Variants in DSC3 observed in about 807,000 individuals in gnomAD.
The protein encoded by DSC3 is desmocollin 3, also known as desmocollin-3.
Under a neutral mutation model 89.5 loss-of-function variants are expected in DSC3, and 97 were observed. The ratio of observed to expected loss-of-function variants is 1.08; its 90% CI spans 0.92 to 1.28. The LOEUF (loss-of-function observed/expected upper bound fraction) is 1.28, where lower values mean the gene tolerates loss of function less well. Among genes scored for constraint, DSC3 ranks in the 50% most tolerant of loss-of-function variants. The probability of loss-of-function intolerance (pLI) is 0.00; values close to 1 mark genes in which losing one functional copy is unlikely to be tolerated. For missense variants in DSC3, 1,199 were observed against 1,085.3 expected, an observed-to-expected ratio of 1.10 and a Z score of -1.47; for synonymous variants, 436 against 384.1, an observed-to-expected ratio of 1.14 and a Z score of -1.58.
Position 31,042,676 on chromosome 18 carries a change from G to T in DSC3, c.-16C>A, listed in dbSNP as rs541512498. 1 of 1,547,326 alleles carries T rather than the reference G, an allele frequency of 6.5e-7. No homozygotes were observed. Among genetic ancestry groups the T allele is most frequent in the Non-Finnish European group, 8.7e-7 (1 of 1,145,198 alleles). On this transcript the variant is annotated 5_prime_UTR_variant, in exon 1 of 16. Transcript: ENST00000360428. ...CGGCGGCCATCGGGATGCCGGGCAG[G>T]GCCAGGAGAACGCGGGCGCCGGGAG...
intron 2 of DSC3, 29 bp downstream of exon 2, chr18:31,032,163 G>T: frequency 1.3e-6 from 2 of 1,504,954 alleles, no homozygotes; most frequent in Middle Eastern, 1.7e-4. Context: ...CTAAATTTCT[G>T]CTTTAAAAAG....
chr18:31,001,588 C>A (rs186776125), intron 14 of DSC3, 30 bp downstream of exon 14: 142 of 1,603,820 alleles, frequency 8.9e-5, no homozygotes, highest in Admixed American at 2.9e-4. Flanking sequence ...ATCGGAGATA[C>A]AAATACATAT....
chr18:31,018,847 G>C, intron 7 of DSC3, 47 bp from the exon 8 acceptor site: 1 of 1,592,060 alleles, frequency 6.3e-7, no homozygotes, highest in Non-Finnish European at 8.6e-7. Context: ...ATTTTTGGTA[G>C]ATTTATAAAT....
intron 7 of DSC3, among the ~76,000 whole-genome samples, chr18:31,019,045 C>G (rs1175053504): frequency 1.3e-5 from 2 of 152,094 alleles, no homozygotes; most frequent in African/African-American, 4.8e-5. Context: ...CAGGTAATAG[C>G]GAAAAGGTTT....
rs538288035 is a variant in DSC3 at position 31,042,593 on chromosome 18, A to G, written c.68T>C (p.Val23Ala). Residue 23 changes from valine to alanine, a missense_variant and splice_region_variant, in exon 1 of 16, where the codon GTG (valine) becomes GCG (alanine). Transcript: ENST00000360428. The stretch of plus-strand genomic sequence containing the variant: ...CCTATCCGGCGAGATCTGGCTTACC[A>G]CGAGGGTCAGCAGCAGATGCAGGCA... ...AVCLHLLLTL[V>A]IFSRAGEACK... The G allele has an allele frequency of 7.1e-6, 11 of 1,550,258 alleles. No individual in the cohort carries two copies. Among genetic ancestry groups the G allele is most frequent in the Non-Finnish European group, 9.6e-6 (11 of 1,146,790 alleles).
At chr18:31,030,903 C>A in intron 3 of DSC3, 70 bp downstream of exon 3, 1 of 1,404,176 alleles carries the variant, frequency 7.1e-7, no homozygotes, top group Non-Finnish European at 1.0e-6. Flanking sequence ...ATCCTTGTTT[C>A]TCTTTGCAAT....
intron 11 of DSC3, 103 bp downstream of exon 11, chr18:31,007,913 A>G: frequency 1.8e-6 from 2 of 1,094,308 alleles, no homozygotes; most frequent in Non-Finnish European, 2.7e-6. Context: ...AAGTAATTTC[A>G]AAGAATTCCA....
At chr18:30,997,772 A>C (rs1166940590) in intron 14 of DSC3, among the ~76,000 whole-genome samples, 3 of 152,182 alleles carry the variant, frequency 2.0e-5, no homozygotes, top group African/African-American at 4.8e-5. Flanking sequence ...TAAAATTCAA[A>C]TCCAAACAGG....
In DSC3 at chr18:31,031,061, T is replaced by A. The variant is rs977485515; in HGVS notation, c.266A>T (p.Asp89Val). 1 of 1,614,126 alleles carries A rather than the reference T, an allele frequency of 6.2e-7. No individual in the cohort carries two copies. The change falls in exon 3 of 16, where the codon GAT becomes GTT. Residue 89 changes from aspartate (D) to valine (V), a missense_variant. Transcript: ENST00000360428. ...VYTARAVALSDKKRSFTIWLS... is the reference protein window; with the variant it reads ...VYTARAVALSVKKRSFTIWLS... ...CCATATGGTAAATGATCTTTTCTTA[T>A]CAGACAGCGCAACAGCCCTGGCTGT... is the stretch of plus-strand genomic sequence containing the variant.
At chr18:31,001,060 C>G (rs189708831) in intron 14 of DSC3, among the ~76,000 whole-genome samples, 1 of 109,638 alleles carries the variant, frequency 9.1e-6, no homozygotes, top group Non-Finnish European at 1.9e-5. Context: ...TATATATATA[C>G]TTTGTGTTTA....
rs1339502684 is a variant in DSC3, at chr18:30,992,120, G to T, written c.*2055C>A. 7.4e-6 allele frequency: 1 copy of T among 135,352 alleles called. No individual in the cohort carries two copies. Among genetic ancestry groups the T allele is most frequent in the African/African-American group, 2.6e-5 (1 of 37,770 alleles). The allele number at this position is 135,352 out of a possible 1,614,324, so 8.4% of individuals were successfully genotyped here. ...GCGGAGCTTTCAGTGAGCAGAGATC[G>T]GAGCCACTGCACTCCAGCCTGTGCG... is the stretch of plus-strand genomic sequence containing the variant. On this transcript the variant is annotated 3_prime_UTR_variant, in exon 16 of 16. Transcript: ENST00000360428.
At chr18:31,014,844 G>A (rs1230063352) in intron 9 of DSC3, among the ~76,000 whole-genome samples, 2 of 152,096 alleles carry the variant, frequency 1.3e-5, no homozygotes, top group African/African-American at 4.8e-5. Context: ...GACCAGGTTT[G>A]TGTTCCGGGG....
Position 30,992,741 on chromosome 18 carries a change from T to G in DSC3, c.*1434A>C. The G allele has an allele frequency of 6.6e-6, 1 of 152,360 alleles. No individual in the cohort carries two copies. Among genetic ancestry groups the G allele is most frequent in the Middle Eastern group, 3.4e-3 (1 of 294 alleles). 9.4% of individuals were successfully genotyped at this position (152,360 alleles called of 1,614,324 possible). On this transcript the variant is annotated 3_prime_UTR_variant, in exon 16 of 16. Coordinates refer to ENST00000360428, the MANE Select transcript of DSC3 (RefSeq NM_001941.5). ...TTTATACATTCAAAATTTCTATTTC[T>G]TCTATTATTTTAAAATTTCTCTGGA...
At position 31,029,536 on chromosome 18, in the gene DSC3, C is replaced by T. The variant is rs770049929; in HGVS notation, c.447G>A (p.Leu149=). Reference sequence around the variant, plus strand: ...GTTGAAGAAACAATGGGAAAGGGCCCAAGGAATTCTCTTGCATAGAGCAAG... The same window carrying T: ...GTTGAAGAAACAATGGGAAAGGGCCTAAGGAATTCTCTTGCATAGAGCAAG... ...PIPCSMQENS[L]GPFPLFLQQV... is the part of the protein sequence containing the mutation. Residue 149 remains leucine (L), a synonymous_variant, in exon 4 of 16, where the codon TTG becomes TTA. Coordinates refer to ENST00000360428, the MANE Select transcript of DSC3 (RefSeq NM_001941.5). 1 of 1,613,732 alleles carries T rather than the reference C, an allele frequency of 6.2e-7. No individual in the cohort carries two copies. The highest frequency in any genetic ancestry group is 8.5e-7 in the Non-Finnish European group (1 of 1,179,762).
chr18:31,005,999 G>A (rs529361967), intron 12 of DSC3, among the ~76,000 whole-genome samples: 1 of 152,098 alleles, frequency 6.6e-6, no homozygotes, highest in East Asian at 1.9e-4. Context: ...AATGGAAAAG[G>A]AGGTATTCTA....
At position 31,036,798 on chromosome 18, in the gene DSC3, C is replaced by CTTTTTTTTTTTTTTTTTTT. The variant is rs775187201; in HGVS notation, c.70-4523_70-4522insAAAAAAAAAAAAAAAAAAA. On this transcript the variant is annotated intron_variant, in intron 1 of 15. Coordinates refer to ENST00000360428, the MANE Select transcript of DSC3 (RefSeq NM_001941.5). ...TATTTCCTTTTTGCTTTCTTTCTTC[C>CTTTTTTTTTTTTTTTTTTT]TTTTTTTTTTTTGAGATGGAATCTT... 1.7e-3 allele frequency among the ~76,000 whole-genome samples: 183 copies of CTTTTTTTTTTTTTTTTTTT among 107,354 alleles called. 12 individuals are homozygous for CTTTTTTTTTTTTTTTTTTT. Among genetic ancestry groups the CTTTTTTTTTTTTTTTTTTT allele is most frequent in the East Asian group, 5.5e-3 (12 of 2,166 alleles). 70.4% of individuals were successfully genotyped at this position (107,354 alleles called of 152,430 possible). A position where few individuals can be genotyped will look rare whatever the true frequency, so the allele number is the denominator to read the frequency against.
At chr18:30,996,662 G>T in intron 15 of DSC3, 129 bp downstream of exon 15, 2 of 979,104 alleles carry the variant, frequency 2.0e-6, no homozygotes, top group East Asian at 2.7e-5. Context: ...CAAAGAGCAC[G>T]GGAAAATGAA....
chr18:31,007,200 T>G, intron 11 of DSC3, 69 bp from the exon 12 acceptor site: 1 of 1,075,504 alleles, frequency 9.3e-7, no homozygotes. Context: ...GAATAAAAAG[T>G]CAATTATATT....
intron 7 of DSC3, among the ~76,000 whole-genome samples, chr18:31,021,790 C>G (rs972120169): frequency 6.6e-6 from 1 of 152,032 alleles, no homozygotes; most frequent in Non-Finnish European, 1.5e-5. Flanking sequence ...CGTGTCTAGT[C>G]AAACAAAAAT....
Sources: gnomAD v4.1 joint callset for allele counts (sites outside exome capture counted in the v4.1 genomes callset) on GRCh38, gnomAD v4.1.1 for gene constraint, MANE v1.5 for transcripts, NCBI Gene and HGNC (gene_info 2026-07-23, HGNC 2026-07-21) for gene names.